TGFBR3: variants seen among roughly 807,000 people sequenced by gnomAD.
TGFBR3 encodes the protein transforming growth factor beta receptor 3, also known as transforming growth factor beta receptor type 3.
In TGFBR3, 46 loss-of-function variants were observed where a neutral mutation model predicts 87.9. That is an observed-to-expected ratio of 0.52 (90% CI 0.41 to 0.67). The LOEUF (loss-of-function observed/expected upper bound fraction) is 0.67, where lower values mean the gene tolerates loss of function less well. TGFBR3 is among the 30% of genes least tolerant of loss of function. The pLI is 0.00. For synonymous variants in TGFBR3, 381 were observed against 391.6 expected (o/e 0.97, Z 0.32); for missense variants, 866 against 1,041.9 (o/e 0.83, Z 2.32).
intron 2 of TGFBR3, among the ~76,000 whole-genome samples, chr1:91,841,852 C>T (rs1440687818): frequency 6.9e-6 from 1 of 144,066 alleles, no homozygotes; most frequent in African/African-American, 2.6e-5. Flanking sequence ...CACCTGTAAT[C>T]ACAACACTTT....
intron 2 of TGFBR3, among the ~76,000 whole-genome samples, chr1:91,893,333 A>G (rs1275995304): frequency 1.3e-5 from 2 of 151,650 alleles, no homozygotes; most frequent in Non-Finnish European, 2.9e-5. Flanking sequence ...TCGCCAGGCT[A>G]CAGTACAGTG....
At chr1:91,802,192 T>C (rs915076149) in intron 2 of TGFBR3, among the ~76,000 whole-genome samples, 1 of 152,176 alleles carries the variant, frequency 6.6e-6, no homozygotes, top group African/African-American at 2.4e-5. Flanking sequence ...GACGCTCTTC[T>C]GCCACCAGCT....
intron 16 of TGFBR3, among the ~76,000 whole-genome samples, chr1:91,687,905 T>G (rs949371500): frequency 6.6e-6 from 1 of 152,240 alleles, no homozygotes; most frequent in South Asian, 2.1e-4. Flanking sequence ...AGATATTTTC[T>G]TCTAGATCTA....
chr1:91,760,003 G>A (rs1673902330), intron 3 of TGFBR3, among the ~76,000 whole-genome samples: 1 of 152,164 alleles, frequency 6.6e-6, no homozygotes, highest in Admixed American at 6.5e-5. Context: ...ATCATAGTAT[G>A]CTCTCAGGTC....
chr1:91,796,899 G>A lies in TGFBR3; in HGVS notation c.246+388C>T, dbSNP rs550842654. Among the ~76,000 whole-genome samples, 392 of 148,876 alleles carry A rather than the reference G, an allele frequency of 2.6e-3. 3 individuals are homozygous for A. Among genetic ancestry groups the A allele is most frequent in the Non-Finnish European group, 3.8e-3 (256 of 67,200 alleles). On this transcript the variant is annotated intron_variant, in intron 3 of 16. Coordinates refer to ENST00000212355, the MANE Select transcript of TGFBR3 (RefSeq NM_003243.5). ...ACCCTGCTAATTTTTTTTTTTTTTA[G>A]TTTTATTTTTAGTAGAGATGAGGTC...
chr1:91,849,884 C>T (rs1225465728), intron 2 of TGFBR3, among the ~76,000 whole-genome samples: 1 of 151,796 alleles, frequency 6.6e-6, no homozygotes, highest in Non-Finnish European at 1.5e-5. Context: ...AGATTGAGAC[C>T]ATCCTGGCTA....
chr1:91,819,120 A>G (rs1676352506), intron 2 of TGFBR3, among the ~76,000 whole-genome samples: 1 of 152,136 alleles, frequency 6.6e-6, no homozygotes, highest in African/African-American at 2.4e-5. Context: ...CTGTAATCCC[A>G]ACACTTTGGG....
chr1:91,863,070 C>T (rs937306504), intron 1 of TGFBR3, among the ~76,000 whole-genome samples: 7 of 151,996 alleles, frequency 4.6e-5, no homozygotes, highest in African/African-American at 9.7e-5. Context: ...CCTATGAGAA[C>T]GGGGGAAATA....
At chr1:91,813,556 T>A (rs1676100382) in intron 2 of TGFBR3, among the ~76,000 whole-genome samples, 1 of 152,230 alleles carries the variant, frequency 6.6e-6, no homozygotes, top group Non-Finnish European at 1.5e-5. Flanking sequence ...ATGGAAGTTG[T>A]ATTCACCATT....
chr1:91,824,512 T>G (rs903850694), intron 2 of TGFBR3, among the ~76,000 whole-genome samples: 11 of 152,220 alleles, frequency 7.2e-5, no homozygotes, highest in African/African-American at 2.4e-4. Flanking sequence ...TGACATGCCA[T>G]GGGTGCCCAT....
intron 15 of TGFBR3, 57 bp downstream of exon 15, chr1:91,698,032 C>T (rs1671490290): frequency 6.5e-7 from 1 of 1,542,658 alleles, no homozygotes; most frequent in Non-Finnish European, 9.0e-7. Flanking sequence ...CACTAACCAA[C>T]TCATTCTTAG....
chr1:91,832,579 C>T (rs1378553968), intron 2 of TGFBR3, among the ~76,000 whole-genome samples: 1 of 152,198 alleles, frequency 6.6e-6, no homozygotes, highest in Non-Finnish European at 1.5e-5. Flanking sequence ...AAGTAACTCA[C>T]TCAAAGTCAT....
chr1:91,871,563 G>C (rs1303554036), intron 1 of TGFBR3, among the ~76,000 whole-genome samples: 1 of 152,158 alleles, frequency 6.6e-6, no homozygotes. Flanking sequence ...TAAGGAGAGA[G>C]AGTGATGACA....
intron 2 of TGFBR3, among the ~76,000 whole-genome samples, chr1:91,832,080 T>C (rs1396822084): frequency 6.6e-6 from 1 of 152,240 alleles, no homozygotes; most frequent in Non-Finnish European, 1.5e-5. Flanking sequence ...ATCCCTTTAC[T>C]TAAAAATTCA....
chr1:91,736,855 A>G (rs1454758435), intron 4 of TGFBR3, among the ~76,000 whole-genome samples: 1 of 152,166 alleles, frequency 6.6e-6, no homozygotes, highest in Non-Finnish European at 1.5e-5. Flanking sequence ...CTTGTTTCTC[A>G]TTCATGTTGT....
intron 2 of TGFBR3, among the ~76,000 whole-genome samples, chr1:91,850,780 CA>C (rs61025683): frequency 0.018 from 1,047 of 58,422 alleles, 3 homozygotes; most frequent in Non-Finnish European, 0.03. Flanking sequence ...GACCCTGTCT[CA>C]AAAAAAAAAA....
intron 2 of TGFBR3, among the ~76,000 whole-genome samples, chr1:91,846,694 C>A (rs1281644705): frequency 6.6e-6 from 1 of 151,916 alleles, no homozygotes; most frequent in East Asian, 1.9e-4. Context: ...TAGAAAAAAA[C>A]AAAAAGTTGT....
intron 7 of TGFBR3, among the ~76,000 whole-genome samples, chr1:91,723,825 T>C (rs1467075175): frequency 6.6e-6 from 1 of 152,224 alleles, no homozygotes; most frequent in East Asian, 1.9e-4. Flanking sequence ...AGTGATTTTC[T>C]CCTGCATGCA....
chr1:91,888,840 C>A (rs1679387865), upstream of TGFBR3, among the ~76,000 whole-genome samples: 1 of 152,146 alleles, frequency 6.6e-6, no homozygotes, highest in African/African-American at 2.4e-5. Flanking sequence ...ACAACAGTAA[C>A]CATCAACATC....
Sources: gnomAD v4.1 joint callset for allele counts (sites outside exome capture counted in the v4.1 genomes callset) on GRCh38, gnomAD v4.1.1 for gene constraint, MANE v1.5 for transcripts, NCBI Gene and HGNC (gene_info 2026-07-23, HGNC 2026-07-21) for gene names.